Variants in NOX4 observed in about 807,000 individuals in gnomAD.
The protein encoded by NOX4 is kidney oxidase-1.
Under a neutral mutation model 87.6 loss-of-function variants are expected in NOX4, and 69 were observed. The ratio of observed to expected loss-of-function variants is 0.79; its 90% confidence interval spans 0.65 to 0.96. NOX4 has a LOEUF of 0.96. Among genes scored for constraint, NOX4 ranks in the 40% least tolerant of loss-of-function variants. The pLI, the probability that NOX4 is intolerant of heterozygous loss-of-function variation, is 0.00. For synonymous variants in NOX4, 275 were observed against 238.2 expected, an observed-to-expected ratio of 1.15 and a Z score of -1.42; for missense variants, 680 against 681.5, an observed-to-expected ratio of 1.00 and a Z score of 0.02.
chr11:89,335,939 T>A lies in NOX4; in HGVS notation c.1522A>T (p.Ile508Phe), dbSNP rs1945693661. 6 of 1,587,044 alleles carry A rather than the reference T, an allele frequency of 3.8e-6. No homozygotes were observed. The highest frequency in any genetic ancestry group is 5.2e-6 in the Non-Finnish European group (6 of 1,163,780). ...TTCAGTGCATGATATTTTTCTCCAA[T>A]TATCTTCTGCCAAAAAGAAAGCACT... ...LSQTDGIQKI[I>F]GEKYHALNSR... is the part of the protein sequence containing the mutation. The change falls in exon 17 of 18, where the codon ATT becomes TTT. Residue 508 changes from isoleucine to phenylalanine, a missense_variant. Physicochemically the swap from Ile to Phe is conservative, Grantham distance 21 (BLOSUM62 0). Coordinates refer to ENST00000263317, the MANE Select transcript of NOX4 (RefSeq NM_016931.5).
chr11:89,333,967 T>C (rs560672106), intron 17 of NOX4, among the ~76,000 whole-genome samples: 60 of 151,532 alleles, frequency 4.0e-4, no homozygotes, highest in African/African-American at 1.3e-3. Context: ...ACCAAATATA[T>C]ACACACACAC....
chr11:89,489,933 C>A (rs970344452), intron 2 of NOX4, among the ~76,000 whole-genome samples: 4 of 152,050 alleles, frequency 2.6e-5, no homozygotes, highest in Non-Finnish European at 5.9e-5. Flanking sequence ...CAGTATCTTT[C>A]TCATATTATA....
intron 11 of NOX4, among the ~76,000 whole-genome samples, chr11:89,374,219 G>C (rs1055621870): frequency 1.3e-5 from 2 of 152,048 alleles, no homozygotes; most frequent in Non-Finnish European, 2.9e-5. Context: ...TTGAATAATG[G>C]TTTTTTCATA....
At chr11:89,502,112 G>A (rs1181955127), upstream of NOX4, among the ~76,000 whole-genome samples, 1 of 151,976 alleles carries the variant, frequency 6.6e-6, no homozygotes, top group Non-Finnish European at 1.5e-5. Context: ...ATTTTATGTG[G>A]GCCCCCTTGA....
intron 13 of NOX4, among the ~76,000 whole-genome samples, chr11:89,343,564 T>G (rs1218185510): frequency 2.0e-5 from 3 of 152,166 alleles, no homozygotes; most frequent in African/African-American, 7.2e-5. Flanking sequence ...TCTACTTTTT[T>G]GAGGGAGATG....
At chr11:89,428,844 T>A (rs1377639805) in intron 7 of NOX4, among the ~76,000 whole-genome samples, 4 of 152,130 alleles carry the variant, frequency 2.6e-5, no homozygotes, top group African/African-American at 9.7e-5. Context: ...GGAATTGAAC[T>A]CAGCTCTGCA....
intron 2 of NOX4, among the ~76,000 whole-genome samples, chr11:89,460,696 T>C (rs1211361465): frequency 6.6e-6 from 1 of 152,148 alleles, no homozygotes; most frequent in Non-Finnish European, 1.5e-5. Context: ...AGGAACACTT[T>C]TACACTGTTG....
intron 12 of NOX4, among the ~76,000 whole-genome samples, chr11:89,358,248 T>C (rs1938226286): frequency 6.6e-6 from 1 of 151,272 alleles, no homozygotes; most frequent in East Asian, 1.9e-4. Context: ...TAGTCGGGCA[T>C]AGTGGTGGGT....
At chr11:89,431,155 T>C (rs1943759787) in intron 7 of NOX4, among the ~76,000 whole-genome samples, 1 of 152,194 alleles carries the variant, frequency 6.6e-6, no homozygotes, top group South Asian at 2.1e-4. Context: ...TAGTTGTATG[T>C]AGAAAGCTGA....
chr11:89,338,984 C>A (rs1945852309), intron 15 of NOX4, among the ~76,000 whole-genome samples: 1 of 152,046 alleles, frequency 6.6e-6, no homozygotes, highest in South Asian at 2.1e-4. Flanking sequence ...AGAATGTAAA[C>A]CACATGAGAT....
At chr11:89,485,976 C>A (rs1325685507) in intron 2 of NOX4, among the ~76,000 whole-genome samples, 1 of 152,032 alleles carries the variant, frequency 6.6e-6, no homozygotes, top group African/African-American at 2.4e-5. Context: ...CTGGATCAGA[C>A]CAGTCTGGGG....
intron 12 of NOX4, among the ~76,000 whole-genome samples, chr11:89,373,173 A>G (rs1939573204): frequency 6.6e-6 from 1 of 151,360 alleles, no homozygotes; most frequent in Admixed American, 6.6e-5. Flanking sequence ...TATGATTTGC[A>G]AGCACACTGA....
the NOX4 span, among the ~76,000 whole-genome samples, chr11:89,557,998 C>T: frequency 6.6e-6 from 1 of 152,068 alleles, no homozygotes; most frequent in Non-Finnish European, 1.5e-5. Context: ...TCAAATACAG[C>T]TCAGTGTTTT....
intron 13 of NOX4, among the ~76,000 whole-genome samples, chr11:89,343,998 G>T (rs1375927336): frequency 6.6e-6 from 1 of 151,548 alleles, no homozygotes. Context: ...CTTTTATTAA[G>T]GTTAATGAGT....
the NOX4 span, among the ~76,000 whole-genome samples, chr11:89,588,240 G>T: frequency 6.6e-6 from 1 of 152,176 alleles, no homozygotes; most frequent in African/African-American, 2.4e-5. Flanking sequence ...CAAAGAACAT[G>T]TAATGCCAAT....
chr11:89,432,727 G>T, intron 7 of NOX4, 57 bp downstream of exon 7: 1 of 1,269,366 alleles, frequency 7.9e-7, no homozygotes, highest in Middle Eastern at 1.8e-4. Context: ...GATTACTCAA[G>T]ACTTTTTCTA....
the NOX4 span, among the ~76,000 whole-genome samples, chr11:89,532,457 A>G: frequency 6.6e-6 from 1 of 152,112 alleles, no homozygotes; most frequent in Non-Finnish European, 1.5e-5. Flanking sequence ...GTTTTGGCCA[A>G]TTCTCCCATT....
intron 2 of NOX4, among the ~76,000 whole-genome samples, chr11:89,453,641 A>C (rs1945062331): frequency 6.6e-6 from 1 of 152,182 alleles, no homozygotes; most frequent in Non-Finnish European, 1.5e-5. Context: ...TACACTTATT[A>C]ATACATTAAA....
chr11:89,493,105 T>C (rs1336398030), upstream of NOX4, among the ~76,000 whole-genome samples: 3 of 152,168 alleles, frequency 2.0e-5, no homozygotes, highest in Non-Finnish European at 4.4e-5. Flanking sequence ...AGAAACGGAC[T>C]GCCGGGCGCG....
Sources: allele counts gnomAD v4.1 joint callset (sites outside exome capture counted in the v4.1 genomes callset), GRCh38; gene constraint gnomAD v4.1.1; transcripts MANE v1.5; gene names NCBI Gene and HGNC (gene_info 2026-07-23, HGNC 2026-07-21).